The following RNF2 variants were observed in gnomAD, a reference collection of about 807,000 sequenced individuals.
RNF2 encodes the protein E3 ubiquitin-protein ligase RING2.
A neutral mutation model predicts 37.2 loss-of-function variants in RNF2; 6 were observed. The observed-to-expected ratio is 0.16, with a 90% confidence interval of 0.09 to 0.32. The LOEUF (loss-of-function observed/expected upper bound fraction) is 0.32. Ranked by LOEUF, RNF2 falls within the 10% of genes least tolerant of loss-of-function variation. The pLI is 1.00. For synonymous variants in RNF2, 133 were observed against 132.7 expected, an observed-to-expected ratio of 1.00 and a Z score of -0.02; for missense variants, 251 against 404.0, an observed-to-expected ratio of 0.62 and a Z score of 3.25.
At chr1:185,087,443 TC>T in intron 1 of RNF2, 108 bp from the exon 2 acceptor site, 4 of 847,840 alleles carry the variant, frequency 4.7e-6, no homozygotes, top group South Asian at 4.6e-5. Flanking sequence ...TAATATTACT[TC>T]ATTGAGATTA....
In RNF2 at chr1:185,076,268, G is replaced by GTTTTTTTTTTTTTTTTTTTTTTTTTTTT. The variant is rs71101959; in HGVS notation, c.-2-11271_-2-11244dup. ...TTTTCTTCTAGATCTTTTATGGGTT[G>GTTTTTTTTTTTTTTTTTTTTTTTTTTTT]TTTTTTTTTTTTTTTTTTTTTTTTT... is the stretch of plus-strand genomic sequence containing the variant. On this transcript the variant is annotated intron_variant, in intron 1 of 6. Coordinates refer to ENST00000367510, the MANE Select transcript of RNF2 (RefSeq NM_007212.4). Among the ~76,000 whole-genome samples the GTTTTTTTTTTTTTTTTTTTTTTTTTTTT allele has an allele frequency of 6.9e-4, 19 of 27,348 alleles. 8 individuals are homozygous for GTTTTTTTTTTTTTTTTTTTTTTTTTTTT. The highest frequency in any genetic ancestry group is 1.2e-3 in the Non-Finnish European group (16 of 13,184). 17.9% of individuals were successfully genotyped at this position (27,348 alleles called of 152,430 possible).
chr1:185,051,012 A>G (rs1263517821), intron 1 of RNF2, among the ~76,000 whole-genome samples: 1 of 152,176 alleles, frequency 6.6e-6, no homozygotes, highest in Non-Finnish European at 1.5e-5. Context: ...ATTGATGACC[A>G]CTACCTCTAT....
intron 1 of RNF2, among the ~76,000 whole-genome samples, chr1:185,053,154 AG>A (rs986208107): frequency 6.6e-6 from 1 of 152,100 alleles, no homozygotes; most frequent in African/African-American, 2.4e-5. Flanking sequence ...GGAACTCTCC[AG>A]GTTTTATCTC....
chr1:185,063,901 G>A (rs186821181), intron 1 of RNF2, among the ~76,000 whole-genome samples: 48 of 152,138 alleles, frequency 3.2e-4, no homozygotes, highest in African/African-American at 1.1e-3. Context: ...ACATCACATC[G>A]CTTTGTCTGC....
chr1:185,068,925 A>G (rs1650880116), intron 1 of RNF2, among the ~76,000 whole-genome samples: 1 of 152,200 alleles, frequency 6.6e-6, no homozygotes, highest in South Asian at 2.1e-4. Context: ...AGCAGCTGTT[A>G]AACATTTTTA....
intron 1 of RNF2, among the ~76,000 whole-genome samples, chr1:185,063,219 A>G (rs540044266): frequency 6.6e-6 from 1 of 152,188 alleles, no homozygotes; most frequent in African/African-American, 2.4e-5. Context: ...TGAAACAGTA[A>G]TTTTTACACA....
intron 1 of RNF2, among the ~76,000 whole-genome samples, chr1:185,082,786 T>C (rs1320174172): frequency 1.3e-5 from 2 of 152,180 alleles, no homozygotes; most frequent in Non-Finnish European, 2.9e-5. Flanking sequence ...AGAAAATCAC[T>C]CAAATTTGTT....
rs149886151 is a variant in RNF2, at chr1:185,090,166, C to T, written c.88-1413C>T. Among the ~76,000 whole-genome samples the T allele has an allele frequency of 2.3e-3, 356 of 152,194 alleles. 1 individual carries two copies. The highest frequency in any genetic ancestry group is 8.2e-3 in the African/African-American group (340 of 41,554). ...CGAACTTCTGACCTTGTGATCCACC[C>T]GCCTCGGCCTCCCGAAGTGCTGGAA... On this transcript the variant is annotated intron_variant, in intron 2 of 6. Coordinates refer to ENST00000367510, the MANE Select transcript of RNF2 (RefSeq NM_007212.4).
In RNF2 at chr1:185,059,537, A is replaced by G. The variant is rs72739692; in HGVS notation, c.-3+13888A>G. 3.1e-3 allele frequency among the ~76,000 whole-genome samples: 474 copies of G among 152,316 alleles called. 2 individuals are homozygous for G. Among genetic ancestry groups the G allele is most frequent in the Non-Finnish European group, 4.5e-3 (305 of 68,022 alleles). On this transcript the variant is annotated intron_variant, in intron 1 of 6. Transcript: ENST00000367510. ...CATTACAAGTACTTCCAGTCATTAC[A>G]TATGGTATTAATTGTTATATTTAAC...
chr1:185,058,344 T>C (rs1296487563), intron 1 of RNF2, among the ~76,000 whole-genome samples: 1 of 152,132 alleles, frequency 6.6e-6, no homozygotes, highest in Non-Finnish European at 1.5e-5. Flanking sequence ...CAGAACCCCA[T>C]GGATACTCAG....
intron 4 of RNF2, among the ~76,000 whole-genome samples, chr1:185,093,696 A>G (rs568506709): frequency 1.3e-5 from 2 of 152,290 alleles, no homozygotes; most frequent in Admixed American, 6.5e-5. Flanking sequence ...GACACAATTA[A>G]TTTCTCCCTT....
At chr1:185,083,447 C>T (rs1347625591) in intron 1 of RNF2, among the ~76,000 whole-genome samples, 1 of 151,910 alleles carries the variant, frequency 6.6e-6, no homozygotes, top group African/African-American at 2.4e-5. Context: ...TGGGTCTGTT[C>T]CACAGTATAA....
chr1:185,074,428 C>T (rs370708173), intron 1 of RNF2, among the ~76,000 whole-genome samples: 100 of 151,944 alleles, frequency 6.6e-4, no homozygotes, highest in African/African-American at 2.4e-3. Flanking sequence ...GAAAACCAGT[C>T]CCTGTCCTGA....
chr1:185,051,019 CTA>C (rs1217858766), intron 1 of RNF2, among the ~76,000 whole-genome samples: 1 of 152,226 alleles, frequency 6.6e-6, no homozygotes, highest in African/African-American at 2.4e-5. Flanking sequence ...ACCACTACCT[CTA>C]TTCGCTATTG....
At chr1:185,072,337 G>T (rs1169617067) in intron 1 of RNF2, among the ~76,000 whole-genome samples, 1 of 152,086 alleles carries the variant, frequency 6.6e-6, no homozygotes, top group Non-Finnish European at 1.5e-5. Context: ...CACCATTGAT[G>T]AGTTCTTAAG....
intron 2 of RNF2, among the ~76,000 whole-genome samples, chr1:185,088,609 T>C (rs1651673906): frequency 6.6e-6 from 1 of 152,078 alleles, no homozygotes; most frequent in Non-Finnish European, 1.5e-5. Context: ...GTTAAAGTGT[T>C]TAACACTAGT....
rs762484501 is a variant in RNF2 at position 185,100,435 on chromosome 1, C to T, written c.*134C>T. On this transcript the variant is annotated 3_prime_UTR_variant, in exon 7 of 7. Transcript: ENST00000367510. ...TTTCTTTCTGAGCCAGACTAGTTTA[C>T]GCTATTCAAATCTTTTCCCCTTTAT... is the stretch of plus-strand genomic sequence containing the variant. 124 of 480,002 alleles carry T rather than the reference C, an allele frequency of 2.6e-4. No homozygotes were observed. The highest frequency in any genetic ancestry group is 4.0e-4 in the Non-Finnish European group (108 of 272,802). 29.7% of individuals were successfully genotyped at this position (480,002 alleles called of 1,614,324 possible).
chr1:185,079,530 T>C (rs1287738086), intron 1 of RNF2, among the ~76,000 whole-genome samples: 1 of 152,242 alleles, frequency 6.6e-6, no homozygotes, highest in African/African-American at 2.4e-5. Context: ...TGTTTCTGCT[T>C]TCTTCAGCCT....
intron 2 of RNF2, 107 bp from the exon 3 acceptor site, chr1:185,091,472 T>C: frequency 9.6e-7 from 1 of 1,045,436 alleles, no homozygotes; most frequent in Non-Finnish European, 1.4e-6. Flanking sequence ...GGCTGGGTGA[T>C]GGGTACATAT....
Sources: allele counts gnomAD v4.1 joint callset (sites outside exome capture counted in the v4.1 genomes callset), GRCh38; gene constraint gnomAD v4.1.1; transcripts MANE v1.5; gene names NCBI Gene and HGNC (gene_info 2026-07-23, HGNC 2026-07-21).